The following SF3B1 variants were observed in gnomAD, a reference collection of about 807,000 sequenced individuals.
SF3B1 encodes splicing factor 3b subunit 1.
SF3B1 carries 12 observed loss-of-function variants against 153.8 expected under a neutral mutation model. The ratio of observed to expected loss-of-function variants is 0.08; its 90% CI spans 0.05 to 0.13. SF3B1 has a LOEUF of 0.13. SF3B1 is among the 10% of genes least tolerant of loss of function. The pLI, the probability that SF3B1 is intolerant of heterozygous loss-of-function variation, is 1.00. For missense variants in SF3B1, 513 were observed against 1,606.1 expected (o/e 0.32, Z 11.63); for synonymous variants, 498 against 525.2 (o/e 0.95, Z 0.71).
intron 24 of SF3B1, among the ~76,000 whole-genome samples, 197 bp downstream of exon 24, chr2:197,392,775 G>C (rs2084825897): frequency 6.6e-6 from 1 of 151,972 alleles, no homozygotes; most frequent in African/African-American, 2.4e-5. Flanking sequence ...GGGGGGAAAG[G>C]GGAGGGAGAG....
At chr2:197,432,085 C>T (rs1417703384) in intron 1 of SF3B1, among the ~76,000 whole-genome samples, 3 of 152,226 alleles carry the variant, frequency 2.0e-5, no homozygotes, top group African/African-American at 7.2e-5. Flanking sequence ...GATCACGCCA[C>T]TGCACTCCAA....
chr2:197,394,529 A>T (rs566040157), intron 23 of SF3B1, among the ~76,000 whole-genome samples: 55 of 152,360 alleles, frequency 3.6e-4, no homozygotes, highest in African/African-American at 1.3e-3. Flanking sequence ...GTTCATGAAA[A>T]ATCAATGAGT....
Position 197,402,424 on chromosome 2 carries a change from T to TA in SF3B1, c.2077+131dup. On this transcript the variant is annotated intron_variant, in intron 14 of 24. Transcript: ENST00000335508. This position sits in a 1 kb window ranked among gnomAD's most constrained non-coding sequence, Gnocchi z 4.6. ...CATGGACAGGCTGTGTGTGTACCTC[T>TA]AGTCCCAACTACTAAGGAGGCTGAG... 1 of 787,796 alleles carries TA rather than the reference T, an allele frequency of 1.3e-6. No homozygotes were observed. The highest frequency in any genetic ancestry group is 2.0e-6 in the Non-Finnish European group (1 of 504,578). The allele number at this position is 787,796 out of a possible 1,614,324, so 48.8% of individuals were successfully genotyped here.
At chr2:197,414,313 T>C (rs1157320363) in intron 6 of SF3B1, among the ~76,000 whole-genome samples, 1 of 152,246 alleles carries the variant, frequency 6.6e-6, no homozygotes, top group African/African-American at 2.4e-5. Context: ...GTTTGGCAGC[T>C]ATCTTATACA....
intron 6 of SF3B1, among the ~76,000 whole-genome samples, chr2:197,415,961 T>C (rs1282833576): frequency 7.4e-6 from 1 of 136,026 alleles, no homozygotes; most frequent in Non-Finnish European, 1.6e-5. Context: ...ACTACAGGCA[T>C]GCACCACTAT....
intron 7 of SF3B1, 149 bp downstream of exon 7, chr2:197,409,621 T>TA: frequency 1.4e-6 from 1 of 694,306 alleles, no homozygotes; most frequent in South Asian, 1.9e-5. Flanking sequence ...TGGAAAAAAT[T>TA]AGGCATATGA....
chr2:197,398,633 C>T, intron 20 of SF3B1, 52 bp from the exon 21 acceptor site: 1 of 1,563,568 alleles, frequency 6.4e-7, no homozygotes, highest in South Asian at 1.1e-5. Flanking sequence ...AACTTTTGTT[C>T]ACTTTCCTTT....
chr2:197,424,040 T>C (rs773691911), intron 1 of SF3B1, 66 bp from the exon 2 acceptor site: 2 of 1,303,740 alleles, frequency 1.5e-6, no homozygotes, highest in Non-Finnish European at 2.2e-6. Flanking sequence ...ACAATGCATT[T>C]CTTTACTAGG....
intron 24 of SF3B1, 27 bp from the exon 25 acceptor site, chr2:197,392,488 T>A: frequency 9.1e-7 from 1 of 1,104,424 alleles, no homozygotes; most frequent in Non-Finnish European, 1.3e-6. Flanking sequence ...GTTACATTAT[T>A]TCAATTTTTA....
chr2:197,409,724 T>C, intron 7 of SF3B1, 46 bp downstream of exon 7: 1 of 1,404,296 alleles, frequency 7.1e-7, no homozygotes, highest in Non-Finnish European at 1.0e-6. Flanking sequence ...TCTGTAAACA[T>C]ATCACTCAAC....
Position 197,390,813 on chromosome 2 carries a change from G to C in SF3B1, c.*1490C>G, listed in dbSNP as rs2084803256. On this transcript the variant is annotated 3_prime_UTR_variant, in exon 25 of 25. Coordinates refer to ENST00000335508, the MANE Select transcript of SF3B1 (RefSeq NM_012433.4). ...AGACGGGACTTCACCGCGTTAGCCA[G>C]GATGGTCTCGATCTCCTGACCTCGT... is the stretch of plus-strand genomic sequence containing the variant. 6.6e-6 allele frequency: 1 copy of C among 152,152 alleles called. No homozygotes were observed. The highest frequency in any genetic ancestry group is 2.1e-4 in the South Asian group (1 of 4,826). The allele number at this position is 152,152 out of a possible 1,614,324, so 9.4% of individuals were successfully genotyped here. A position where few individuals can be genotyped will look rare whatever the true frequency, so the allele number is the denominator to read the frequency against.
chr2:197,401,542 T>G lies in SF3B1; in HGVS notation c.2371-17A>C. On this transcript the variant is annotated splice_polypyrimidine_tract_variant and intron_variant, in intron 16 of 24. Coordinates refer to ENST00000335508, the MANE Select transcript of SF3B1 (RefSeq NM_012433.4). This position sits in a 1 kb window ranked among gnomAD's most constrained non-coding sequence, Gnocchi z 4.2. ...TTTTACCACCTAAAAGGTTAAGAAA[T>G]AGTAATAATAAATCAACTGACCTGA... The G allele has an allele frequency of 1.2e-6, 2 of 1,603,336 alleles. No individual in the cohort carries two copies. The highest frequency in any genetic ancestry group is 1.7e-6 in the Non-Finnish European group (2 of 1,174,648).
chr2:197,422,050 T>C (rs2085252289), intron 2 of SF3B1, among the ~76,000 whole-genome samples: 1 of 152,116 alleles, frequency 6.6e-6, no homozygotes, highest in Non-Finnish European at 1.5e-5. Context: ...AAATAAAAAG[T>C]GCAACACGGG....
chr2:197,433,862 C>T (rs750609066), intron 1 of SF3B1, among the ~76,000 whole-genome samples: 2 of 152,220 alleles, frequency 1.3e-5, no homozygotes, highest in Non-Finnish European at 2.9e-5. Context: ...TTAAAACTGA[C>T]TGATCCTTTT....
At chr2:197,419,177 T>C in intron 4 of SF3B1, 1 of 480,700 alleles carries the variant, frequency 2.1e-6, no homozygotes, top group Non-Finnish European at 3.7e-6. Context: ...GCTTTAAGTT[T>C]TGTTGACCCA....
intron 4 of SF3B1, chr2:197,419,264 G>A (rs1559274729): frequency 2.9e-6 from 1 of 339,396 alleles, no homozygotes; most frequent in African/African-American, 2.1e-5. Context: ...ACTTCTACCA[G>A]TTATTATGAT....
rs748634617 is a variant in SF3B1, at chr2:197,408,170, T to C, written c.1118-51A>G. The C allele has an allele frequency of 6.7e-6, 10 of 1,487,078 alleles. No homozygotes were observed. In the Admixed American group the frequency reaches 7.2e-5, roughly 11 times the overall value. The allele number at this position is 1,487,078 out of a possible 1,614,324, so 92.1% of individuals were successfully genotyped here. A position where few individuals can be genotyped will look rare whatever the true frequency, so the allele number is the denominator to read the frequency against. ...TAATCTATAGTACAAGACTGTATTA[T>C]TACATACATTGAGATAAAAGACAGT... On this transcript the variant is annotated intron_variant, in intron 8 of 24. Transcript: ENST00000335508.
intron 6 of SF3B1, 52 bp downstream of exon 6, chr2:197,416,689 A>C (rs1000622759): frequency 5.2e-6 from 8 of 1,548,356 alleles, no homozygotes; most frequent in Non-Finnish European, 7.0e-6. Flanking sequence ...AATACAGTCC[A>C]TAACAGAAAA....
Position 197,416,894 on chromosome 2 carries a change from C to T in SF3B1, c.513G>A (p.Gln171=), listed in dbSNP as rs1396191284. Residue 171 remains glutamine (Q), a synonymous_variant, in exon 6 of 25, where the codon CAG becomes CAA. Coordinates refer to ENST00000335508, the MANE Select transcript of SF3B1 (RefSeq NM_012433.4). ...LTKEEREIRQ[Q]LAEKAKAGEL... is the part of the protein sequence containing the mutation. The stretch of plus-strand genomic sequence containing the variant: ...CTCCAGCTTTAGCTTTTTCTGCTAG[C>T]TGTTGCCTAATTTCTCGCTGAAAAA... 3 of 1,611,992 alleles carry T rather than the reference C, an allele frequency of 1.9e-6. No homozygotes were observed. The highest frequency in any genetic ancestry group is 1.6e-4 in the Middle Eastern group (1 of 6,068).
Sources: allele counts gnomAD v4.1 joint callset (sites outside exome capture counted in the v4.1 genomes callset), GRCh38; gene constraint gnomAD v4.1.1; non-coding constraint Gnocchi (gnomAD v3.1); transcripts MANE v1.5; gene names NCBI Gene and HGNC (gene_info 2026-07-23, HGNC 2026-07-21).